TP53I11: variants seen among roughly 807,000 people sequenced by gnomAD.
The protein encoded by TP53I11 is tumor protein p53-inducible protein 11.
TP53I11 carries 9 observed loss-of-function variants against 23.3 expected under a neutral mutation model. The observed-to-expected ratio is 0.39, with a 90% CI of 0.23 to 0.67. The LOEUF (loss-of-function observed/expected upper bound fraction) is 0.67. Ranked by LOEUF, TP53I11 falls within the 30% of genes least tolerant of loss-of-function variation. TP53I11 has a pLI of 0.48. For missense variants in TP53I11, 170 were observed against 255.2 expected, an observed-to-expected ratio of 0.67 and a Z score of 2.27; for synonymous variants, 100 against 106.1, an observed-to-expected ratio of 0.94 and a Z score of 0.35.
chr11:44,950,006 T>C, intron 1 of TP53I11: 2 of 152,332 alleles, frequency 1.3e-5, no homozygotes, highest in Non-Finnish European at 2.9e-5. Context: ...AGCGCCGGTG[T>C]CCCCCGGCGG....
In TP53I11 at chr11:44,938,251, C is replaced by T; in HGVS notation, c.85G>A (p.Gly29Ser). The T allele has an allele frequency of 6.2e-7, 1 of 1,613,220 alleles. No homozygotes were observed. Among genetic ancestry groups the T allele is most frequent in the Non-Finnish European group, 8.5e-7 (1 of 1,179,730 alleles). The change falls in exon 2 of 7, where the codon GGC becomes AGC. Residue 29 changes from glycine (G) to serine (S), a missense_variant. Transcript: ENST00000525680. ...VSRLKTRKIL[G>S]VGGEDDDGEV... The stretch of plus-strand genomic sequence containing the variant: ...CCGTCGTCATCCTCCCCGCCCACGC[C>T]GAGGATCTTGCGGGTCTTCAGGCGG...
intron 1 of TP53I11, among the ~76,000 whole-genome samples, chr11:44,941,707 T>C (rs1316948147): frequency 6.6e-6 from 1 of 152,108 alleles, no homozygotes; most frequent in African/African-American, 2.4e-5. Context: ...AGGCCTCCCA[T>C]GTGGCAGTGG....
chr11:44,938,166 C>G, intron 2 of TP53I11, 41 bp downstream of exon 2: 1 of 1,589,640 alleles, frequency 6.3e-7, no homozygotes, highest in South Asian at 1.1e-5. Context: ...GTCAGCCTGG[C>G]CTCCCCAGTG....
chr11:44,935,771 G>T, intron 5 of TP53I11, 109 bp from the exon 6 acceptor site: 1 of 753,386 alleles, frequency 1.3e-6, no homozygotes, highest in Non-Finnish European at 2.3e-6. Context: ...GACAGCTGGG[G>T]TCCTGGACTC....
At chr11:44,944,556 T>C (rs1862207338) in intron 1 of TP53I11, among the ~76,000 whole-genome samples, 3 of 152,176 alleles carry the variant, frequency 2.0e-5, no homozygotes, top group African/African-American at 2.4e-5. Flanking sequence ...GAGGGGCTTT[T>C]TGGGGATACA....
Position 44,935,029 on chromosome 11 carries a change from A to T in TP53I11, c.437-12T>A. ...CGTGGCAGTGACCACTGTGGGAGAG[A>T]GTCCAGCAAGGCCACAGGGTCAGAG... On this transcript the variant is annotated splice_polypyrimidine_tract_variant and intron_variant, in intron 6 of 6. Coordinates refer to ENST00000525680, the MANE Select transcript of TP53I11 (RefSeq NM_006034.5). 1.2e-6 allele frequency: 2 copies of T among 1,613,052 alleles called. No individual in the cohort carries two copies. The highest frequency in any genetic ancestry group is 1.7e-6 in the Non-Finnish European group (2 of 1,179,914).
intron 1 of TP53I11, among the ~76,000 whole-genome samples, chr11:44,946,414 C>T (rs998590804): frequency 2.6e-5 from 4 of 152,176 alleles, no homozygotes; most frequent in African/African-American, 4.8e-5. Context: ...CAGTGGAGGG[C>T]GGAGCTGCAG....
In TP53I11 at chr11:44,933,650, G is replaced by C. The variant is rs1860783587; in HGVS notation, c.*1234C>G. On this transcript the variant is annotated 3_prime_UTR_variant, in exon 7 of 7. Coordinates refer to ENST00000525680, the MANE Select transcript of TP53I11 (RefSeq NM_006034.5). ...ACAGGCTGGTGGGCCCTCAGAGGCA[G>C]GGCAGGGGCTGTTCGGCCCCAAGAC... 4 of 153,964 alleles carry C rather than the reference G, an allele frequency of 2.6e-5. No homozygotes were observed. The South Asian group carries it at 7.5e-4, about 29-fold the overall frequency. The allele number at this position is 153,964 out of a possible 1,614,324, so 9.5% of individuals were successfully genotyped here.
intron 1 of TP53I11, among the ~76,000 whole-genome samples, chr11:44,940,067 A>T (rs1441416075): frequency 2.0e-5 from 3 of 152,132 alleles, no homozygotes; most frequent in Admixed American, 6.5e-5. Context: ...CGCCGTCCTG[A>T]CACCTCAGCT....
Position 44,936,725 on chromosome 11 carries a change from C to A in TP53I11, c.334+78G>T. 1.5e-6 allele frequency: 2 copies of A among 1,366,314 alleles called. No homozygotes were observed. The highest frequency in any genetic ancestry group is 1.9e-6 in the Non-Finnish European group (2 of 1,051,928). 84.6% of individuals were successfully genotyped at this position (1,366,314 alleles called of 1,614,324 possible). ...AAAGGAAGGGGTGCCCGGGCACGGA[C>A]CCCCGTGCTCTCCTCAGCCCCGCTG... On this transcript the variant is annotated intron_variant, in intron 5 of 6. Coordinates refer to ENST00000525680, the MANE Select transcript of TP53I11 (RefSeq NM_006034.5). This position sits in a 1 kb window ranked among gnomAD's most constrained non-coding sequence, Gnocchi z 4.4.
chr11:44,939,481 C>T (rs775572265), intron 1 of TP53I11, among the ~76,000 whole-genome samples: 3 of 152,216 alleles, frequency 2.0e-5, no homozygotes, highest in Admixed American at 1.3e-4. Context: ...AGCCACTGGG[C>T]CCTCTAGCAG....
In TP53I11 at chr11:44,935,847, G is replaced by A. The variant is rs146020280; in HGVS notation, c.335-185C>T. On this transcript the variant is annotated intron_variant, in intron 5 of 6. Coordinates refer to ENST00000525680, the MANE Select transcript of TP53I11 (RefSeq NM_006034.5). ...TCTGTCCCCGATCCTGTCCCCTCCA[G>A]ACTCAATGCTGCTGCTTCAGCCTGC... The A allele has an allele frequency of 1.3e-3, 783 of 604,032 alleles. 1 individual carries two copies. The highest frequency in any genetic ancestry group is 1.3e-3 in the Non-Finnish European group (436 of 338,418). The allele number at this position is 604,032 out of a possible 1,614,324, so 37.4% of individuals were successfully genotyped here. A position where few individuals can be genotyped will look rare whatever the true frequency, so the allele number is the denominator to read the frequency against.
rs1860751250 is a variant in TP53I11 at position 44,933,379 on chromosome 11, C to G, written c.*1505G>C. ...ATAGACACCCTCCAGCCATCCCCCA[C>G]TCTATGCCAGGATGGGAAGCGAGTC... On this transcript the variant is annotated 3_prime_UTR_variant, in exon 7 of 7. Coordinates refer to ENST00000525680, the MANE Select transcript of TP53I11 (RefSeq NM_006034.5). 2 of 152,592 alleles carry G rather than the reference C, an allele frequency of 1.3e-5. No homozygotes were observed. Among genetic ancestry groups the G allele is most frequent in the African/African-American group, 4.8e-5 (2 of 41,464 alleles). 9.5% of individuals were successfully genotyped at this position (152,592 alleles called of 1,614,324 possible).
At position 44,934,835 on chromosome 11, in the gene TP53I11, A is replaced by C; in HGVS notation, c.*49T>G. 6.2e-7 allele frequency: 1 copy of C among 1,610,262 alleles called. No individual in the cohort carries two copies. The highest frequency in any genetic ancestry group is 8.5e-7 in the Non-Finnish European group (1 of 1,177,918). On this transcript the variant is annotated 3_prime_UTR_variant, in exon 7 of 7. Transcript: ENST00000525680. ...GGAGCCAAAGGGAAGCCGAGGCCCC[A>C]GCGCCACTCTGGCCCAGGCATGGGC...
rs1440928643 is a variant in TP53I11, at chr11:44,932,899, CCCAGGTGGAAT to C, written c.*1974_*1984del. 1 of 152,306 alleles carries C rather than the reference CCCAGGTGGAAT, an allele frequency of 6.6e-6. No homozygotes were observed. The highest frequency in any genetic ancestry group is 1.9e-4 in the East Asian group (1 of 5,202). 9.4% of individuals were successfully genotyped at this position (152,306 alleles called of 1,614,324 possible). A position where few individuals can be genotyped will look rare whatever the true frequency, so the allele number is the denominator to read the frequency against. ...AGACGCCCGACACGCAGCCTCATTCCCCAGGTGGAATCCACCTGCAGTTATGGGAGGACAAA... is the reference window on the plus strand; with the variant it reads ...AGACGCCCGACACGCAGCCTCATTCCCCACCTGCAGTTATGGGAGGACAAA... On this transcript the variant is annotated 3_prime_UTR_variant, in exon 7 of 7. Transcript: ENST00000525680.
intron 1 of TP53I11, among the ~76,000 whole-genome samples, chr11:44,942,278 TCAC>T: frequency 1.1e-5 from 1 of 93,580 alleles, no homozygotes; most frequent in East Asian, 3.3e-4. Flanking sequence ...ACCACACACA[TCAC>T]ACACACCACA....
intron 1 of TP53I11, among the ~76,000 whole-genome samples, chr11:44,944,640 C>A (rs182617983): frequency 5.9e-5 from 9 of 152,256 alleles, no homozygotes; most frequent in Non-Finnish European, 1.3e-4. Context: ...GGGCTCAAAT[C>A]CCTGCTCCTC....
chr11:44,950,441 C>G (rs539529787), intron 1 of TP53I11, among the ~76,000 whole-genome samples: 1 of 152,156 alleles, frequency 6.6e-6, no homozygotes, highest in East Asian at 1.9e-4. Flanking sequence ...GCAGGGGAGA[C>G]GGAAGGGGCT....
At chr11:44,945,658 G>A (rs933134695) in intron 1 of TP53I11, among the ~76,000 whole-genome samples, 1 of 152,114 alleles carries the variant, frequency 6.6e-6, no homozygotes, top group South Asian at 2.1e-4. Flanking sequence ...GAGGGATGCA[G>A]GGAGACCCAT....
Sources: allele counts gnomAD v4.1 joint callset (sites outside exome capture counted in the v4.1 genomes callset), GRCh38; gene constraint gnomAD v4.1.1; non-coding constraint Gnocchi (gnomAD v3.1); transcripts MANE v1.5; gene names NCBI Gene and HGNC (gene_info 2026-07-23, HGNC 2026-07-21).